The following CDH4 variants were observed in gnomAD, a reference collection of about 807,000 sequenced individuals.
CDH4 encodes the protein cadherin-4.
A neutral mutation model predicts 86.0 loss-of-function variants in CDH4; 33 were observed. The ratio of observed to expected loss-of-function variants is 0.38; its 90% CI spans 0.29 to 0.51. CDH4 has a LOEUF of 0.51. Among genes scored for constraint, CDH4 ranks in the 20% least tolerant of loss-of-function variants. The probability of loss-of-function intolerance (pLI) is 0.86; values close to 1 mark genes in which losing one functional copy is unlikely to be tolerated. For missense variants in CDH4, 1,114 were observed against 1,307.4 expected, an observed-to-expected ratio of 0.85 and a Z score of 2.28; for synonymous variants, 555 against 549.4, an observed-to-expected ratio of 1.01 and a Z score of -0.14.
At chr20:61,601,567 C>T (rs142573049) in intron 2 of CDH4, among the ~76,000 whole-genome samples, 1,677 of 152,316 alleles carry the variant, frequency 0.011, 25 homozygotes, top group South Asian at 0.035. Flanking sequence ...TTCAGATGCC[C>T]GCCCGCTGCC....
intron 4 of CDH4, among the ~76,000 whole-genome samples, chr20:61,843,143 G>A (rs999291087): frequency 6.6e-6 from 1 of 151,368 alleles, no homozygotes; most frequent in African/African-American, 2.5e-5. Context: ...GGCCAAGGTG[G>A]GAGGATCGCT....
intron 2 of CDH4, among the ~76,000 whole-genome samples, chr20:61,595,125 C>T (rs915571678): frequency 1.2e-4 from 18 of 152,322 alleles, no homozygotes; most frequent in Non-Finnish European, 2.2e-4. Context: ...TGTGCAGCGC[C>T]CCAGGACCTC....
At chr20:61,688,004 CG>C (rs2087606993) in intron 2 of CDH4, among the ~76,000 whole-genome samples, 1 of 152,078 alleles carries the variant, frequency 6.6e-6, no homozygotes, top group Non-Finnish European at 1.5e-5. Context: ...CATAATAAGT[CG>C]TAAGTGCAGG....
intron 2 of CDH4, among the ~76,000 whole-genome samples, chr20:61,648,922 TGCAGGTGGCCCCACCTC>T (rs1049576278): frequency 5.9e-5 from 9 of 152,212 alleles, no homozygotes; most frequent in African/African-American, 1.7e-4. Flanking sequence ...GAGTCTGTCC[TGCAGGTGGCCCCACCTC>T]GCAGGTGGCC....
At chr20:61,870,235 C>T (rs1342720441) in intron 6 of CDH4, among the ~76,000 whole-genome samples, 5 of 152,124 alleles carry the variant, frequency 3.3e-5, no homozygotes, top group South Asian at 2.1e-4. Context: ...AGTTCCTGCA[C>T]GTGGGCAGCA....
intron 2 of CDH4, among the ~76,000 whole-genome samples, chr20:61,371,711 G>A (rs1162959169): frequency 6.6e-6 from 1 of 152,246 alleles, no homozygotes; most frequent in East Asian, 1.9e-4. Flanking sequence ...GAGGCCATGG[G>A]GCTCCCGTGG....
chr20:61,688,222 C>T (rs2087610668), intron 2 of CDH4, among the ~76,000 whole-genome samples: 2 of 152,162 alleles, frequency 1.3e-5, no homozygotes, highest in South Asian at 4.2e-4. Context: ...TTTGTCTTTC[C>T]ACCACCATTA....
At chr20:61,406,662 CGGACCACCATCTGCTCTCCCT>C (rs2085085396) in intron 2 of CDH4, among the ~76,000 whole-genome samples, 2 of 140,076 alleles carry the variant, frequency 1.4e-5, no homozygotes, top group African/African-American at 2.7e-5. Flanking sequence ...CTGCTCTGCC[CGGACCACCATCTGCTCTCCCT>C]GGACCACCAT....
intron 2 of CDH4, among the ~76,000 whole-genome samples, chr20:61,537,918 G>T (rs547259559): frequency 6.6e-6 from 1 of 152,176 alleles, no homozygotes; most frequent in Non-Finnish European, 1.5e-5. Flanking sequence ...GTTCCTCTCC[G>T]CAGTGTCTGC....
chr20:61,469,507 G>T (rs1168281596), intron 2 of CDH4, among the ~76,000 whole-genome samples: 1 of 152,112 alleles, frequency 6.6e-6, no homozygotes, highest in Non-Finnish European at 1.5e-5. Flanking sequence ...CCATTCTGTG[G>T]GTTGTCTGTT....
In CDH4 at chr20:61,258,329, CAAAAAAAAA is replaced by C. The variant is rs778048684; in HGVS notation, c.169+3400_169+3408del. Among the ~76,000 whole-genome samples the C allele has an allele frequency of 8.0e-5, 5 of 62,360 alleles. No homozygotes were observed. The East Asian group carries it at 2.9e-3, about 36-fold the overall frequency. 40.9% of individuals were successfully genotyped at this position (62,360 alleles called of 152,430 possible). On this transcript the variant is annotated intron_variant, in intron 2 of 15. Coordinates refer to ENST00000614565, the MANE Select transcript of CDH4 (RefSeq NM_001794.5). ...TGGGCAAAAGAACGAGACTCCGTCTCAAAAAAAAAAAAAAAAGAAAAAAAAAAAAGAAAG... is the reference window on the plus strand; with the variant it reads ...TGGGCAAAAGAACGAGACTCCGTCTCAAAAAAAGAAAAAAAAAAAAGAAAG...
At chr20:61,791,280 C>T (rs1568817915) in intron 4 of CDH4, among the ~76,000 whole-genome samples, 1 of 152,252 alleles carries the variant, frequency 6.6e-6, no homozygotes, top group Non-Finnish European at 1.5e-5. Flanking sequence ...AACTTTCTGA[C>T]TTGATGCTGA....
intron 2 of CDH4, among the ~76,000 whole-genome samples, chr20:61,644,548 G>C (rs751389791): frequency 1.3e-5 from 2 of 151,762 alleles, no homozygotes; most frequent in Non-Finnish European, 1.5e-5. Flanking sequence ...TTTCCAGGAA[G>C]GGGAACTGCC....
At chr20:61,565,153 T>C (rs1393872315) in intron 2 of CDH4, among the ~76,000 whole-genome samples, 5 of 127,558 alleles carry the variant, frequency 3.9e-5, no homozygotes, top group Non-Finnish European at 6.7e-5. Context: ...GTGTTGGTAG[T>C]GGTCCTCTTG....
chr20:61,428,839 A>G (rs963493714), intron 2 of CDH4, among the ~76,000 whole-genome samples: 1 of 152,172 alleles, frequency 6.6e-6, no homozygotes, highest in Admixed American at 6.5e-5. Context: ...ATAGTGAGAG[A>G]GAGTGAGCGA....
At chr20:61,877,141 G>C (rs985988466) in intron 7 of CDH4, among the ~76,000 whole-genome samples, 2 of 152,144 alleles carry the variant, frequency 1.3e-5, no homozygotes, top group Non-Finnish European at 2.9e-5. Flanking sequence ...GATAGGGACA[G>C]TGCCCAGCCT....
At chr20:61,487,338 T>TGA (rs1019699917) in intron 2 of CDH4, among the ~76,000 whole-genome samples, 4 of 152,040 alleles carry the variant, frequency 2.6e-5, no homozygotes, top group Non-Finnish European at 5.9e-5. Flanking sequence ...CCTAAGGAAG[T>TGA]GAGGGGTGAG....
intron 2 of CDH4, among the ~76,000 whole-genome samples, chr20:61,700,557 C>T (rs901588468): frequency 3.9e-5 from 6 of 152,204 alleles, no homozygotes; most frequent in East Asian, 1.9e-4. Context: ...GCAAGGGACC[C>T]GCTGTGTCAT....
In CDH4 at chr20:61,873,770, G is replaced by C; in HGVS notation, c.920G>C (p.Ser307Thr). 6.2e-7 allele frequency: 1 copy of C among 1,613,962 alleles called. No homozygotes were observed. The highest frequency in any genetic ancestry group is 8.5e-7 in the Non-Finnish European group (1 of 1,180,026). ...GTCACGGCCAACGATGCTGACGACA[G>C]CACCACGGCCAACGGGATGGTGCGG... ...MTVTANDADD[S>T]TTANGMVRYR... The change falls in exon 7 of 16, where the codon AGC becomes ACC. Residue 307 changes from serine (S) to threonine (T), a missense_variant. Physicochemically the swap from Ser to Thr is moderately conservative, Grantham distance 58 (BLOSUM62 1). Around this residue, in one of 3 missense-constraint regions of CDH4, gnomAD observed 705 missense variants for 914.1 expected, o/e 0.77. Transcript: ENST00000614565.
Sources: gnomAD v4.1 joint callset for allele counts (sites outside exome capture counted in the v4.1 genomes callset) on GRCh38, gnomAD v4.1.1 for gene constraint, gnomAD v4.1.1 regional missense constraint, MANE v1.5 for transcripts, NCBI Gene and HGNC (gene_info 2026-07-23, HGNC 2026-07-21) for gene names.